Variants in RUFY3 observed in about 807,000 individuals in gnomAD.
The protein encoded by RUFY3 is protein RUFY3.
In RUFY3, 34 loss-of-function variants were observed where a neutral mutation model predicts 84.0. That is an observed-to-expected ratio of 0.40 (90% CI 0.31 to 0.54). The LOEUF (loss-of-function observed/expected upper bound fraction) is 0.54, where lower values mean the gene tolerates loss of function less well. RUFY3 is among the 20% of genes least tolerant of loss of function. The pLI is 0.39. For missense variants in RUFY3, 507 were observed against 736.8 expected, an observed-to-expected ratio of 0.69 and a Z score of 3.61; for synonymous variants, 242 against 252.9, an observed-to-expected ratio of 0.96 and a Z score of 0.41.
At chr4:70,787,187 A>AAAATAT (rs1553920475) in intron 10 of RUFY3, among the ~76,000 whole-genome samples, 7 of 81,476 alleles carry the variant, frequency 8.6e-5, no homozygotes, top group Non-Finnish European at 1.3e-4. Flanking sequence ...AAAAAAAAAA[A>AAAATAT]ATATATATAT....
At position 70,806,548 on chromosome 4, in the gene RUFY3, T is replaced by C; in HGVS notation, c.1752T>C (p.Cys584=). 6.2e-7 allele frequency: 1 copy of C among 1,614,188 alleles called. No homozygotes were observed. The highest frequency in any genetic ancestry group is 1.7e-5 in the Admixed American group (1 of 60,026). Residue 584 remains cysteine (C), a synonymous_variant, in exon 18 of 18, where the codon TGT becomes TGC. Transcript: ENST00000381006. ...NVCKNCSGTF[C]DACSTNELPL... is the part of the protein sequence containing the mutation. ...GTAAGAACTGCAGCGGAACCTTCTGTGATGCCTGTTCAACAAATGAACTGC... is the reference window on the plus strand; with the variant it reads ...GTAAGAACTGCAGCGGAACCTTCTGCGATGCCTGTTCAACAAATGAACTGC...
At chr4:70,735,720 C>T (rs887557042) in intron 1 of RUFY3, among the ~76,000 whole-genome samples, 2 of 152,002 alleles carry the variant, frequency 1.3e-5, no homozygotes, top group African/African-American at 2.4e-5. Context: ...GGCACTGTGG[C>T]TCATGTCTGT....
intron 1 of RUFY3, among the ~76,000 whole-genome samples, chr4:70,707,549 A>G (rs1223753285): frequency 6.6e-6 from 1 of 152,126 alleles, no homozygotes; most frequent in Non-Finnish European, 1.5e-5. Context: ...CCCAGGCGGT[A>G]TGGTGTTTTT....
Position 70,793,666 on chromosome 4 carries a change from CCT to C in RUFY3, c.1338-112_1338-111del, listed in dbSNP as rs1200362692. Reference sequence around the variant, plus strand: ...CACCTGTGTCCTGCAAAGTTTTTTTCCTCTCTCTGTCTCTCTGTGCATTCTTC... The same window carrying C: ...CACCTGTGTCCTGCAAAGTTTTTTTCCTCTCTGTCTCTCTGTGCATTCTTC... On this transcript the variant is annotated intron_variant, in intron 12 of 17. Transcript: ENST00000381006. The C allele has an allele frequency of 2.6e-6, 4 of 1,558,950 alleles. No individual in the cohort carries two copies. In the African/African-American group the frequency reaches 4.2e-5, roughly 16 times the overall value.
intron 4 of RUFY3, among the ~76,000 whole-genome samples, chr4:70,766,288 A>T (rs1344485624): frequency 6.6e-6 from 1 of 152,138 alleles, no homozygotes; most frequent in Non-Finnish European, 1.5e-5. Flanking sequence ...TCTGTCACCC[A>T]GGTTGGAGTG....
At chr4:70,707,418 G>A (rs987630958) in intron 1 of RUFY3, among the ~76,000 whole-genome samples, 10 of 152,046 alleles carry the variant, frequency 6.6e-5, no homozygotes, top group African/African-American at 2.2e-4. Context: ...ACCATTTTTA[G>A]TATTTTTAGT....
intron 4 of RUFY3, 27 bp downstream of exon 4, chr4:70,764,603 C>T (rs531821431): frequency 4.4e-6 from 6 of 1,352,450 alleles, no homozygotes; most frequent in Non-Finnish European, 5.3e-6. Flanking sequence ...GAACTTTCTT[C>T]TTTCCTTGGT....
At chr4:70,711,908 T>A (rs1437956589) in intron 1 of RUFY3, among the ~76,000 whole-genome samples, 1 of 152,228 alleles carries the variant, frequency 6.6e-6, no homozygotes, top group Non-Finnish European at 1.5e-5. Flanking sequence ...AATTCTCCCC[T>A]TCTTTTCTGC....
chr4:70,745,433 CATTAA>C (rs1392340857), intron 1 of RUFY3, among the ~76,000 whole-genome samples: 2 of 152,090 alleles, frequency 1.3e-5, no homozygotes, highest in Non-Finnish European at 2.9e-5. Context: ...AAATTATGAA[CATTAA>C]ATTAAATAAT....
chr4:70,789,010 T>C, intron 11 of RUFY3, 37 bp downstream of exon 11: 4 of 1,599,156 alleles, frequency 2.5e-6, no homozygotes, highest in Non-Finnish European at 3.4e-6. Context: ...ACTGGCTCTC[T>C]AAAATCCTGG....
Position 70,775,091 on chromosome 4 carries a change from A to ATGGGG in RUFY3, c.759-65_759-61dup, listed in dbSNP as rs1727702654. On this transcript the variant is annotated intron_variant, in intron 6 of 17. Coordinates refer to ENST00000381006, the MANE Select transcript of RUFY3 (RefSeq NM_001037442.4). ...TTTTTTTCTCATGTTTTATGAAAAG[A>ATGGGG]TGGGGTGGGGTGGGGTTGGGATCTT... The ATGGGG allele has an allele frequency of 5.0e-6, 4 of 793,200 alleles. No homozygotes were observed. In the East Asian group the frequency reaches 2.0e-4, roughly 39 times the overall value. The allele number at this position is 793,200 out of a possible 1,614,324, so 49.1% of individuals were successfully genotyped here.
At chr4:70,793,994 G>A in intron 13 of RUFY3, 90 bp downstream of exon 13, 1 of 1,444,174 alleles carries the variant, frequency 6.9e-7, no homozygotes, top group Non-Finnish European at 9.4e-7. Context: ...CTTCCAGCCA[G>A]GTTGGCTCTG....
At chr4:70,733,539 T>C (rs72850509) in intron 1 of RUFY3, among the ~76,000 whole-genome samples, 10,019 of 152,216 alleles carry the variant, frequency 0.066, 872 homozygotes, top group African/African-American at 0.2. Context: ...ATGTACTGTA[T>C]ATTTATCACG....
At chr4:70,710,085 T>TA (rs1294303726) in intron 1 of RUFY3, among the ~76,000 whole-genome samples, 1 of 152,224 alleles carries the variant, frequency 6.6e-6, no homozygotes, top group Non-Finnish European at 1.5e-5. Flanking sequence ...CTAGAAGCCT[T>TA]TGTCTCTGAC....
At position 70,787,183 on chromosome 4, in the gene RUFY3, AAAAAATAT is replaced by A. The variant is rs1165885584; in HGVS notation, c.1072-1621_1072-1614del. Among the ~76,000 whole-genome samples, 247 of 125,984 alleles carry A rather than the reference AAAAAATAT, an allele frequency of 2.0e-3. 1 individual carries two copies. The highest frequency in any genetic ancestry group is 4.1e-3 in the Middle Eastern group (1 of 246). 82.7% of individuals were successfully genotyped at this position (125,984 alleles called of 152,430 possible). ...CCCTGTCTCAGAAAAAAAAAAAAAA[AAAAAATAT>A]ATATATATATATATATATATATAAA... On this transcript the variant is annotated intron_variant, in intron 10 of 17. Coordinates refer to ENST00000381006, the MANE Select transcript of RUFY3 (RefSeq NM_001037442.4).
intron 1 of RUFY3, among the ~76,000 whole-genome samples, chr4:70,734,749 A>T (rs186829665): frequency 3.9e-5 from 6 of 152,188 alleles, no homozygotes; most frequent in Admixed American, 3.9e-4. Flanking sequence ...GCATAAAATC[A>T]GCTTTTCCTT....
At chr4:70,800,945 T>C (rs1339636929) in intron 15 of RUFY3, among the ~76,000 whole-genome samples, 4 of 152,182 alleles carry the variant, frequency 2.6e-5, no homozygotes, top group African/African-American at 9.7e-5. Context: ...TCATTTTTCC[T>C]TTATCTTGAG....
At chr4:70,806,368 C>G (rs1174447177) in intron 17 of RUFY3, 148 bp from the exon 18 acceptor site, 1 of 857,044 alleles carries the variant, frequency 1.2e-6, no homozygotes, top group African/African-American at 1.7e-5. Flanking sequence ...TAGATTGGGC[C>G]TGTGTTCAGA....
At chr4:70,774,644 AATATATATATATAT>A (rs1553916772) in intron 6 of RUFY3, among the ~76,000 whole-genome samples, 2 of 56,686 alleles carry the variant, frequency 3.5e-5, no homozygotes, top group African/African-American at 8.4e-5. Flanking sequence ...AAAAAAAAAA[AATATATATATATAT>A]ATATATATAT....
Sources: allele counts gnomAD v4.1 joint callset (sites outside exome capture counted in the v4.1 genomes callset), GRCh38; gene constraint gnomAD v4.1.1; transcripts MANE v1.5; gene names NCBI Gene and HGNC (gene_info 2026-07-23, HGNC 2026-07-21).